MEIS1: variants seen among roughly 807,000 people sequenced by gnomAD.
MEIS1 encodes the protein Meis homeobox 1, also known as homeobox protein Meis1.
A neutral mutation model predicts 50.8 loss-of-function variants in MEIS1; 5 were observed. The ratio of observed to expected loss-of-function variants is 0.10; its 90% confidence interval spans 0.05 to 0.21. The LOEUF is 0.21. MEIS1 is among the 10% of genes least tolerant of loss of function. The pLI, the probability that MEIS1 is intolerant of heterozygous loss-of-function variation, is 1.00. For synonymous variants in MEIS1, 176 were observed against 179.3 expected, an observed-to-expected ratio of 0.98 and a Z score of 0.15; for missense variants, 318 against 517.3, an observed-to-expected ratio of 0.61 and a Z score of 3.74.
intron 6 of MEIS1, among the ~76,000 whole-genome samples, chr2:66,446,467 G>T (rs924309958): frequency 2.0e-5 from 3 of 152,124 alleles, no homozygotes; most frequent in African/African-American, 7.2e-5. Flanking sequence ...TGCCGGTAGC[G>T]AGCCGAGATT....
chr2:66,436,870 T>C (rs926672528), intron 1 of MEIS1: 1 of 799,928 alleles, frequency 1.3e-6, no homozygotes, highest in Non-Finnish European at 1.5e-6. Flanking sequence ...AATATGAAAG[T>C]AGTTTTTTTT....
chr2:66,468,882 A>G (rs571500616), intron 7 of MEIS1, among the ~76,000 whole-genome samples: 4 of 152,332 alleles, frequency 2.6e-5, no homozygotes, highest in African/African-American at 4.8e-5. Context: ...CAAAGGGAGC[A>G]TGATGACTGA....
At chr2:66,557,818 CT>C (rs1432103292) in intron 9 of MEIS1, among the ~76,000 whole-genome samples, 8 of 152,176 alleles carry the variant, frequency 5.3e-5, no homozygotes, top group Non-Finnish European at 8.8e-5. Context: ...TTGGAAAGCA[CT>C]TTTCATTCGA....
At chr2:66,532,494 C>G (rs953744176) in intron 8 of MEIS1, among the ~76,000 whole-genome samples, 7 of 151,986 alleles carry the variant, frequency 4.6e-5, no homozygotes, top group African/African-American at 1.7e-4. Flanking sequence ...GGTAAACACT[C>G]TGGCAGTAGT....
At chr2:66,478,049 G>A (rs919313056) in intron 7 of MEIS1, among the ~76,000 whole-genome samples, 25 of 152,148 alleles carry the variant, frequency 1.6e-4, no homozygotes, top group African/African-American at 5.8e-4. Context: ...TACATTGAAA[G>A]CTGTCTTTCA....
chr2:66,520,938 G>A (rs1299143065), intron 8 of MEIS1, among the ~76,000 whole-genome samples: 1 of 152,092 alleles, frequency 6.6e-6, no homozygotes, highest in African/African-American at 2.4e-5. Flanking sequence ...TCGCGTTGTG[G>A]GAGTTCAAAG....
chr2:66,499,526 G>T (rs1673496629), intron 7 of MEIS1, among the ~76,000 whole-genome samples: 1 of 151,926 alleles, frequency 6.6e-6, no homozygotes, highest in Non-Finnish European at 1.5e-5. Flanking sequence ...GAATAGAAAG[G>T]CATCAGTGAG....
rs553105378 is a variant in MEIS1 at position 66,447,380 on chromosome 2, G to A, written c.630+4332G>A. Reference sequence around the variant, plus strand: ...AGGACTTGCAAGTGATAAAGTCTTAGCATCACCTAACTTTACATTTGATTG... The same window carrying A: ...AGGACTTGCAAGTGATAAAGTCTTAACATCACCTAACTTTACATTTGATTG... On this transcript the variant is annotated intron_variant, in intron 6 of 12. Transcript: ENST00000272369. Among the ~76,000 whole-genome samples the A allele has an allele frequency of 2.6e-5, 4 of 152,264 alleles. No individual in the cohort carries two copies. The South Asian group carries it at 8.3e-4, about 32-fold the overall frequency.
chr2:66,501,491 C>G (rs1438686051), intron 7 of MEIS1, among the ~76,000 whole-genome samples: 1 of 150,200 alleles, frequency 6.7e-6, no homozygotes, highest in Non-Finnish European at 1.5e-5. Context: ...TGAGTAAAAT[C>G]TGTGTTTTTT....
intron 8 of MEIS1, among the ~76,000 whole-genome samples, chr2:66,544,804 G>A (rs909635900): frequency 2.0e-5 from 3 of 152,084 alleles, no homozygotes; most frequent in Admixed American, 2.0e-4. Context: ...AAAAAGGGTA[G>A]AACTTTCTAA....
chr2:66,553,332 GA>G (rs1674971304), intron 9 of MEIS1, among the ~76,000 whole-genome samples: 1 of 152,198 alleles, frequency 6.6e-6, no homozygotes, highest in Non-Finnish European at 1.5e-5. Flanking sequence ...GAACTCCCCA[GA>G]ATATTTCAGA....
At position 66,568,771 on chromosome 2, in the gene MEIS1, T is replaced by C. The variant is rs773929324; in HGVS notation, c.1114+15T>C. On this transcript the variant is annotated intron_variant, in intron 11 of 12. Transcript: ENST00000272369. The stretch of plus-strand genomic sequence containing the variant: ...TAGAGCACCAGGTAAGACTTTGTTT[T>C]TGTGGTAGTTCCTCATTTTTGACTC... The C allele has an allele frequency of 6.2e-7, 1 of 1,608,076 alleles. No homozygotes were observed. The highest frequency in any genetic ancestry group is 2.2e-5 in the East Asian group (1 of 44,848).
intron 6 of MEIS1, among the ~76,000 whole-genome samples, chr2:66,455,272 T>G (rs929848328): frequency 2.6e-5 from 4 of 152,222 alleles, no homozygotes; most frequent in African/African-American, 4.8e-5. Context: ...GCATTTATGG[T>G]CAATTGCCCT....
In MEIS1 at chr2:66,512,137, C is replaced by A; in HGVS notation, c.743-12C>A. The A allele has an allele frequency of 6.5e-7, 1 of 1,542,572 alleles. No individual in the cohort carries two copies. On this transcript the variant is annotated splice_polypyrimidine_tract_variant and intron_variant, in intron 7 of 12. Transcript: ENST00000272369. Reference sequence around the variant, plus strand: ...GTAGCATCAGTCAAAATTTGATTCGCTATGTTTGCAGGTGATGGCTTGGAC... The same window carrying A: ...GTAGCATCAGTCAAAATTTGATTCGATATGTTTGCAGGTGATGGCTTGGAC...
chr2:66,512,358 A>C, intron 8 of MEIS1, 64 bp downstream of exon 8: 1 of 1,497,314 alleles, frequency 6.7e-7, no homozygotes, highest in Non-Finnish European at 8.9e-7. Flanking sequence ...TTTATACAAA[A>C]AAATGAGAAA....
At chr2:66,533,235 A>C (rs190714063) in intron 8 of MEIS1, among the ~76,000 whole-genome samples, 3 of 152,296 alleles carry the variant, frequency 2.0e-5, no homozygotes, top group Non-Finnish European at 2.9e-5. Context: ...CTGACTTCCA[A>C]CCACCAAAAG....
intron 6 of MEIS1, among the ~76,000 whole-genome samples, chr2:66,444,779 A>G (rs994238294): frequency 2.0e-4 from 31 of 152,196 alleles, no homozygotes; most frequent in African/African-American, 4.8e-5. Context: ...ATTGCAATCC[A>G]ACAAGCCTAA....
At chr2:66,481,254 G>C (rs749262415) in intron 7 of MEIS1, among the ~76,000 whole-genome samples, 1 of 152,164 alleles carries the variant, frequency 6.6e-6, no homozygotes, top group Non-Finnish European at 1.5e-5. Flanking sequence ...GTTTGTGGTT[G>C]GCTCTCTATT....
intron 7 of MEIS1, among the ~76,000 whole-genome samples, chr2:66,470,857 A>T (rs1235541174): frequency 3.3e-5 from 5 of 152,208 alleles, no homozygotes; most frequent in African/African-American, 1.2e-4. Context: ...TAATATGGTA[A>T]TAAAAGAATA....
Sources: gnomAD v4.1 joint callset for allele counts (sites outside exome capture counted in the v4.1 genomes callset) on GRCh38, gnomAD v4.1.1 for gene constraint, MANE v1.5 for transcripts, NCBI Gene and HGNC (gene_info 2026-07-23, HGNC 2026-07-21) for gene names.